Variants in STON2 observed in about 807,000 individuals in gnomAD.
The protein encoded by STON2 is stonin-2.
A neutral mutation model predicts 65.7 loss-of-function variants in STON2; 29 were observed. The ratio of observed to expected loss-of-function variants is 0.44; its 90% CI spans 0.33 to 0.60. The LOEUF (loss-of-function observed/expected upper bound fraction) is 0.60, where lower values mean the gene tolerates loss of function less well. Among genes scored for constraint, STON2 ranks in the 20% least tolerant of loss-of-function variants. STON2 has a pLI of 0.03. For missense variants in STON2, 1,054 were observed against 1,118.1 expected, an observed-to-expected ratio of 0.94 and a Z score of 0.82; for synonymous variants, 404 against 414.2, an observed-to-expected ratio of 0.98 and a Z score of 0.30.
intron 4 of STON2, among the ~76,000 whole-genome samples, chr14:81,363,816 C>T (rs1172678115): frequency 6.6e-6 from 1 of 152,100 alleles, no homozygotes; most frequent in African/African-American, 2.4e-5. Flanking sequence ...CTTAAGAACA[C>T]AAAAATTTCC....
chr14:81,306,437 A>G (rs1356365811), intron 5 of STON2, among the ~76,000 whole-genome samples: 1 of 151,416 alleles, frequency 6.6e-6, no homozygotes, highest in East Asian at 1.9e-4. Flanking sequence ...GTGCAGTGGC[A>G]ATTCACAGGT....
At chr14:81,333,048 T>C in intron 4 of STON2, 2 of 654,324 alleles carry the variant, frequency 3.1e-6, no homozygotes, top group Non-Finnish European at 5.3e-6. Context: ...GTTGCTTTCT[T>C]GAGTTCTTTT....
At chr14:81,413,252 T>A (rs1901257637) in intron 2 of STON2, 2 of 1,526,736 alleles carry the variant, frequency 1.3e-6, no homozygotes, top group Non-Finnish European at 1.7e-6. Flanking sequence ...GCATGGACTG[T>A]GCCACCCACC....
At chr14:81,279,518 A>G (rs1895019619) in intron 5 of STON2, among the ~76,000 whole-genome samples, 1 of 152,064 alleles carries the variant, frequency 6.6e-6, no homozygotes, top group African/African-American at 2.4e-5. Context: ...GTGAAACCCA[A>G]TGTCTACTAA....
chr14:81,394,215 T>C (rs1900210156), intron 3 of STON2, among the ~76,000 whole-genome samples: 1 of 151,908 alleles, frequency 6.6e-6, no homozygotes, highest in Admixed American at 6.6e-5. Flanking sequence ...GGAAATCTGA[T>C]GTTCAAATAT....
rs1261459557 is a variant in STON2, at chr14:81,278,435, C to G, written c.1047G>C (p.Leu349=). Residue 349 remains leucine, a synonymous_variant, in exon 6 of 8, where the codon CTG becomes CTC. Coordinates refer to ENST00000614646, the MANE Select transcript of STON2 (RefSeq NM_001394390.1). ...GCGTGCGGTTTAAAGAGGAAATATC[C>G]AGCTTCTGAACTTTGGAGAAGTTCA... ...TLMNFSKVQK[L]DISSLNRTPS... is the part of the protein sequence containing the mutation. 3 of 1,614,088 alleles carry G rather than the reference C, an allele frequency of 1.9e-6. No homozygotes were observed. Among genetic ancestry groups the G allele is most frequent in the Middle Eastern group, 1.6e-4 (1 of 6,082 alleles).
At chr14:81,414,325 G>C (rs1191668146) in intron 2 of STON2, among the ~76,000 whole-genome samples, 1 of 152,124 alleles carries the variant, frequency 6.6e-6, no homozygotes, top group Non-Finnish European at 1.5e-5. Flanking sequence ...AGACAGAAGG[G>C]ATCCAGTTAC....
intron 5 of STON2, among the ~76,000 whole-genome samples, chr14:81,301,933 A>G (rs560787361): frequency 6.6e-6 from 1 of 152,322 alleles, no homozygotes; most frequent in African/African-American, 2.4e-5. Flanking sequence ...AAACAGCTTA[A>G]GCCTAGATCT....
chr14:81,320,995 G>A (rs1396650483), intron 5 of STON2, among the ~76,000 whole-genome samples: 1 of 152,098 alleles, frequency 6.6e-6, no homozygotes, highest in Non-Finnish European at 1.5e-5. Context: ...TGTTTTCTAG[G>A]CCCTCTTCAC....
intron 2 of STON2, among the ~76,000 whole-genome samples, chr14:81,412,167 C>T (rs535419027): frequency 7.2e-6 from 1 of 139,758 alleles, no homozygotes; most frequent in Non-Finnish European, 1.5e-5. Flanking sequence ...ACTCCAAGCA[C>T]GATGAGAAGT....
intron 5 of STON2, among the ~76,000 whole-genome samples, chr14:81,304,115 G>A (rs1259127478): frequency 6.6e-6 from 1 of 152,104 alleles, no homozygotes; most frequent in Non-Finnish European, 1.5e-5. Context: ...ATACTCTCTT[G>A]TAGAGTCAAA....
chr14:81,433,046 G>C (rs544859893), intron 1 of STON2, among the ~76,000 whole-genome samples: 5 of 152,288 alleles, frequency 3.3e-5, no homozygotes, highest in African/African-American at 4.8e-5. Flanking sequence ...GGAACTCAGG[G>C]GGCCAGGCCC....
chr14:81,311,444 T>G (rs1896423268), intron 5 of STON2, among the ~76,000 whole-genome samples: 1 of 152,188 alleles, frequency 6.6e-6, no homozygotes, highest in Non-Finnish European at 1.5e-5. Flanking sequence ...TGAATATCTC[T>G]TCAAGATATT....
At chr14:81,370,453 T>C (rs957592370) in intron 4 of STON2, among the ~76,000 whole-genome samples, 1 of 152,322 alleles carries the variant, frequency 6.6e-6, no homozygotes. Context: ...AAAGGAGGCA[T>C]AGTGCATTGC....
intron 3 of STON2, among the ~76,000 whole-genome samples, chr14:81,387,080 A>G (rs775025075): frequency 2.0e-5 from 3 of 152,176 alleles, no homozygotes; most frequent in Admixed American, 2.0e-4. Flanking sequence ...TGAATAAGAC[A>G]TGAGATGGGT....
intron 1 of STON2, among the ~76,000 whole-genome samples, chr14:81,432,191 A>C (rs1047236477): frequency 6.6e-5 from 10 of 152,138 alleles, no homozygotes; most frequent in African/African-American, 2.4e-4. Context: ...CATAGCAAAA[A>C]AAAAGACACT....
intron 5 of STON2, among the ~76,000 whole-genome samples, chr14:81,293,728 CT>C (rs964463886): frequency 1.3e-5 from 2 of 152,120 alleles, no homozygotes; most frequent in African/African-American, 4.8e-5. Flanking sequence ...GTGAGTGACC[CT>C]TCCAGGGGAT....
At chr14:81,317,323 C>T (rs1362779859) in intron 5 of STON2, among the ~76,000 whole-genome samples, 2 of 152,152 alleles carry the variant, frequency 1.3e-5, no homozygotes, top group Admixed American at 6.5e-5. Context: ...CAGGCCCCAC[C>T]TCCAAAATAG....
rs76969046 is a variant in STON2, at chr14:81,275,574, G to T, written c.2581+1327C>A. Among the ~76,000 whole-genome samples the T allele has an allele frequency of 1.3e-4, 20 of 152,106 alleles. 1 individual carries two copies. The highest frequency in any genetic ancestry group is 1.3e-3 in the Admixed American group (20 of 15,270). Reference sequence around the variant, plus strand: ...AGTTACAGTGCTACCACCAGCAGAAGACAGTGCTGATTTCAGGGGAAATGA... The same window carrying T: ...AGTTACAGTGCTACCACCAGCAGAATACAGTGCTGATTTCAGGGGAAATGA... On this transcript the variant is annotated intron_variant, in intron 6 of 7. Transcript: ENST00000614646.
Sources: gnomAD v4.1 joint callset for allele counts (sites outside exome capture counted in the v4.1 genomes callset) on GRCh38, gnomAD v4.1.1 for gene constraint, MANE v1.5 for transcripts, NCBI Gene and HGNC (gene_info 2026-07-23, HGNC 2026-07-21) for gene names.